The following NSD1 variants were observed in gnomAD, a reference collection of about 807,000 sequenced individuals.
The protein encoded by NSD1 is nuclear receptor binding SET domain protein 1.
Under a neutral mutation model 242.7 loss-of-function variants are expected in NSD1, and 26 were observed. The ratio of observed to expected loss-of-function variants is 0.11; its 90% CI spans 0.08 to 0.15. The LOEUF is 0.15. NSD1 is among the 10% of genes least tolerant of loss of function. The pLI, the probability that NSD1 is intolerant of heterozygous loss-of-function variation, is 1.00. For synonymous variants in NSD1, 1,106 were observed against 1,178.1 expected, an observed-to-expected ratio of 0.94 and a Z score of 1.25; for missense variants, 2,495 against 3,272.8, an observed-to-expected ratio of 0.76 and a Z score of 5.80.
At chr5:177,222,089 G>A (rs995983226) in intron 5 of NSD1, among the ~76,000 whole-genome samples, 4 of 151,916 alleles carry the variant, frequency 2.6e-5, no homozygotes, top group Non-Finnish European at 4.4e-5. Flanking sequence ...GGGATTACAG[G>A]CGTGAGCCAT....
chr5:177,141,818 A>C (rs1428918606), intron 2 of NSD1, among the ~76,000 whole-genome samples: 8 of 151,922 alleles, frequency 5.3e-5, no homozygotes, highest in African/African-American at 1.9e-4. Flanking sequence ...TATTCACCTA[A>C]AATGTAATAT....
At position 177,226,087 on chromosome 5, in the gene NSD1, C is replaced by T. The variant is rs997091440; in HGVS notation, c.3797-9734C>T. Among the ~76,000 whole-genome samples the T allele has an allele frequency of 3.9e-5, 6 of 152,114 alleles. 1 individual carries two copies. ...TTTGAGACAGGGTCTCACTTTGTTG[C>T]TTAGGCTGGAGTGTGGTGGCACAAT... is the stretch of plus-strand genomic sequence containing the variant. On this transcript the variant is annotated intron_variant, in intron 5 of 22. Coordinates refer to ENST00000439151, the MANE Select transcript of NSD1 (RefSeq NM_022455.5).
chr5:177,181,640 T>G (rs1311013798), intron 2 of NSD1, among the ~76,000 whole-genome samples: 1 of 151,268 alleles, frequency 6.6e-6, no homozygotes, highest in Admixed American at 6.6e-5. Flanking sequence ...TTGTCTAAGC[T>G]GTTTTGAACT....
chr5:177,134,951 C>A lies in NSD1; in HGVS notation c.-17-136C>A, dbSNP rs952139168. ...TCGAGGCCATTTTTTCATCTCCAGT[C>A]GGGGGAACTTTTTCTGCCCATGGAA... On this transcript the variant is annotated intron_variant, in intron 1 of 22. Transcript: ENST00000439151. This position sits in a 1 kb window ranked among gnomAD's most constrained non-coding sequence, Gnocchi z 4.2. 9.7e-6 allele frequency: 7 copies of A among 722,764 alleles called. No homozygotes were observed. The highest frequency in any genetic ancestry group is 1.6e-5 in the Non-Finnish European group (7 of 429,762). The allele number at this position is 722,764 out of a possible 1,614,324, so 44.8% of individuals were successfully genotyped here.
intron 14 of NSD1, among the ~76,000 whole-genome samples, chr5:177,263,176 G>A (rs962255743): frequency 5.3e-5 from 8 of 152,198 alleles, no homozygotes; most frequent in Admixed American, 2.6e-4. Context: ...GGACGTGATC[G>A]TCACCTTGGC....
intron 5 of NSD1, among the ~76,000 whole-genome samples, chr5:177,228,751 G>C (rs1456965019): frequency 6.6e-6 from 1 of 152,104 alleles, no homozygotes; most frequent in Admixed American, 6.5e-5. Context: ...CTTGATGAAA[G>C]AGATTTTACT....
chr5:177,294,503 T>G lies in NSD1; in HGVS notation c.7135T>G (p.Ser2379Ala). The part of the protein sequence containing the change: ...SPRPQSLEKT[S>A]VPTGLRLPPP... ...AAGGCCCCAGTCACTGGAGAAAACC[T>G]CAGTTCCCACTGGCCTGAGACTTCC... The change falls in exon 23 of 23, where the codon TCA (serine) becomes GCA (alanine). Residue 2379 changes from serine (S) to alanine (A), a missense_variant. By Grantham distance (99) the Ser-to-Ala change is moderately conservative. Around this residue, in one of 19 missense-constraint regions of NSD1, gnomAD observed 475 missense variants for 563.7 expected, o/e 0.84. Transcript: ENST00000439151. The G allele has an allele frequency of 1.9e-6, 3 of 1,614,070 alleles. No homozygotes were observed. The highest frequency in any genetic ancestry group is 2.5e-6 in the Non-Finnish European group (3 of 1,180,016).
At chr5:177,253,263 A>T (rs1756154116) in intron 12 of NSD1, among the ~76,000 whole-genome samples, 1 of 152,220 alleles carries the variant, frequency 6.6e-6, no homozygotes, top group African/African-American at 2.4e-5. Flanking sequence ...AGGATATTAT[A>T]GGGTCAAGAG....
intron 2 of NSD1, among the ~76,000 whole-genome samples, chr5:177,156,715 G>A (rs1758167770): frequency 6.6e-6 from 1 of 152,134 alleles, no homozygotes; most frequent in African/African-American, 2.4e-5. Flanking sequence ...AGTATGTCAT[G>A]TTTTAATGTA....
chr5:177,296,563 G>A lies in NSD1; in HGVS notation c.*1104G>A, dbSNP rs1760271052. Reference sequence around the variant, plus strand: ...TCCTTTTCCCTCCTGAGTGGAGGGAGTCCTCTTCTTCGCCTCCCTGAGAAT... The same window carrying A: ...TCCTTTTCCCTCCTGAGTGGAGGGAATCCTCTTCTTCGCCTCCCTGAGAAT... On this transcript the variant is annotated 3_prime_UTR_variant, in exon 23 of 23. Transcript: ENST00000439151. 4.3e-6 allele frequency: 1 copy of A among 233,130 alleles called. No individual in the cohort carries two copies. The highest frequency in any genetic ancestry group is 8.5e-6 in the Non-Finnish European group (1 of 118,060). 14.4% of individuals were successfully genotyped at this position (233,130 alleles called of 1,614,324 possible).
At chr5:177,131,852 CG>C (rs1047358821), upstream of NSD1, among the ~76,000 whole-genome samples, 4 of 152,204 alleles carry the variant, frequency 2.6e-5, no homozygotes, top group Non-Finnish European at 5.9e-5. Flanking sequence ...CTGGAGGAGG[CG>C]GAATTTTTAT....
Position 177,252,539 on chromosome 5 carries a change from C to CTTTTT in NSD1, c.4765+712_4765+716dup, listed in dbSNP as rs70991600. On this transcript the variant is annotated intron_variant, in intron 12 of 22. Transcript: ENST00000439151. ...TAAAGCTGCGCTAAAGTAAAGTGTT[C>CTTTTT]TTTTTTTTTTTTTTTTTTTTTTTTT... Among the ~76,000 whole-genome samples, 119 of 47,428 alleles carry CTTTTT rather than the reference C, an allele frequency of 2.5e-3. 11 individuals are homozygous for CTTTTT. Among genetic ancestry groups the CTTTTT allele is most frequent in the African/African-American group, 3.8e-3 (56 of 14,638 alleles). 31.1% of individuals were successfully genotyped at this position (47,428 alleles called of 152,430 possible).
At chr5:177,234,685 C>T (rs1374015645) in intron 5 of NSD1, among the ~76,000 whole-genome samples, 1 of 152,094 alleles carries the variant, frequency 6.6e-6, no homozygotes, top group Admixed American at 6.5e-5. Context: ...TGCTGCACGC[C>T]AGCCTGGGTG....
intron 4 of NSD1, among the ~76,000 whole-genome samples, chr5:177,205,921 T>C (rs762867699): frequency 3.4e-4 from 52 of 152,178 alleles, no homozygotes; most frequent in Non-Finnish European, 5.9e-4. Context: ...CCTCCCAGGC[T>C]CGAGCCATTC....
chr5:177,296,442 G>A lies in NSD1; in HGVS notation c.*983G>A, dbSNP rs1581570634. ...AGGTGCTTTCAGATTTCAGAGCCTC[G>A]GGCAGTGGACATAGGGAATCTCTGG... is the stretch of plus-strand genomic sequence containing the variant. On this transcript the variant is annotated 3_prime_UTR_variant, in exon 23 of 23. Transcript: ENST00000439151. The A allele has an allele frequency of 1.7e-5, 4 of 233,188 alleles. No homozygotes were observed. The East Asian group carries it at 2.4e-4, about 14-fold the overall frequency. 14.4% of individuals were successfully genotyped at this position (233,188 alleles called of 1,614,324 possible).
At chr5:177,191,431 T>C (rs144322821) in intron 2 of NSD1, among the ~76,000 whole-genome samples, 1 of 152,328 alleles carries the variant, frequency 6.6e-6, no homozygotes, top group African/African-American at 2.4e-5. Flanking sequence ...ATAGAAATAT[T>C]GGTTTGAAAA....
chr5:177,210,632 G>C lies in NSD1; in HGVS notation c.2233G>C (p.Asp745His). The change falls in exon 5 of 23, where the codon GAT becomes CAT. Residue 745 changes from aspartate (D) to histidine (H), a missense_variant. By Grantham distance (81) the Asp-to-His change is moderately conservative. Around this residue, in one of 19 missense-constraint regions of NSD1, gnomAD observed 515 missense variants for 467.0 expected, o/e 1.10. Transcript: ENST00000439151. ...TACTCTTGTTCACAAACCCCAGTCA[G>C]ATTTTACAAATGATGCTCTCTCTCC... is the stretch of plus-strand genomic sequence containing the variant. ...ASTLVHKPQS[D>H]FTNDALSPKF... 2.5e-6 allele frequency: 4 copies of C among 1,614,084 alleles called. No individual in the cohort carries two copies. The highest frequency in any genetic ancestry group is 3.4e-6 in the Non-Finnish European group (4 of 1,180,002).
At chr5:177,159,792 G>A (rs560211886) in intron 2 of NSD1, among the ~76,000 whole-genome samples, 112 of 149,960 alleles carry the variant, frequency 7.5e-4, no homozygotes, top group African/African-American at 2.7e-3. Context: ...GGGTTTCTCC[G>A]TGTTGAGACT....
At chr5:177,282,062 A>C (rs1758936622) in intron 18 of NSD1, among the ~76,000 whole-genome samples, 1 of 152,206 alleles carries the variant, frequency 6.6e-6, no homozygotes, top group Non-Finnish European at 1.5e-5. Context: ...TAGCATAATG[A>C]ATAGGGAGGA....
Sources: allele counts gnomAD v4.1 joint callset (sites outside exome capture counted in the v4.1 genomes callset), GRCh38; gene constraint gnomAD v4.1.1; regional missense constraint gnomAD v4.1.1; non-coding constraint Gnocchi (gnomAD v3.1); transcripts MANE v1.5; gene names NCBI Gene and HGNC (gene_info 2026-07-23, HGNC 2026-07-21).